Variants in ZDHHC7 observed in about 807,000 individuals in gnomAD.
The protein encoded by ZDHHC7 is palmitoyltransferase ZDHHC7.
In ZDHHC7, 12 loss-of-function variants were observed where a neutral mutation model predicts 34.1. The ratio of observed to expected loss-of-function variants is 0.35; its 90% CI spans 0.23 to 0.57. The LOEUF (loss-of-function observed/expected upper bound fraction) is 0.57, where lower values mean the gene tolerates loss of function less well. ZDHHC7 is among the 20% of genes least tolerant of loss of function. The probability of loss-of-function intolerance (pLI) is 0.84; values close to 1 mark genes in which losing one functional copy is unlikely to be tolerated. For synonymous variants in ZDHHC7, 185 were observed against 155.4 expected, an observed-to-expected ratio of 1.19 and a Z score of -1.42; for missense variants, 388 against 402.7, an observed-to-expected ratio of 0.96 and a Z score of 0.31.
intron 7 of ZDHHC7, 61 bp downstream of exon 7, chr16:84,977,034 C>T: frequency 4.4e-6 from 7 of 1,600,036 alleles, no homozygotes; most frequent in Non-Finnish European, 5.1e-6. Context: ...GACATTAGGA[C>T]TTTTCATTTA....
At chr16:84,979,505 C>T (rs899442685) in intron 4 of ZDHHC7, among the ~76,000 whole-genome samples, 1 of 152,064 alleles carries the variant, frequency 6.6e-6, no homozygotes, top group Non-Finnish European at 1.5e-5. Context: ...CAGCTTGGGG[C>T]GAAAGGTCAA....
intron 3 of ZDHHC7, among the ~76,000 whole-genome samples, chr16:84,982,422 T>C (rs2072382898): frequency 2.0e-5 from 3 of 152,128 alleles, no homozygotes; most frequent in African/African-American, 4.8e-5. Flanking sequence ...TTTTGATAAA[T>C]GGCTTAACCA....
At chr16:85,013,105 C>T (rs553685242), upstream of ZDHHC7, among the ~76,000 whole-genome samples, 2 of 152,056 alleles carry the variant, frequency 1.3e-5, no homozygotes, top group East Asian at 3.9e-4. Flanking sequence ...AGAGAGGGCA[C>T]CAAAGGAATC....
chr16:84,989,078 G>C (rs961237296), intron 3 of ZDHHC7, among the ~76,000 whole-genome samples: 4 of 152,202 alleles, frequency 2.6e-5, no homozygotes, highest in Non-Finnish European at 5.9e-5. Flanking sequence ...GAAATGACAA[G>C]ACAGGCTTTA....
chr16:85,010,439 C>G lies in ZDHHC7; in HGVS notation c.-104+847G>C, dbSNP rs539125609. 7.2e-5 allele frequency among the ~76,000 whole-genome samples: 11 copies of G among 152,270 alleles called. No homozygotes were observed. The East Asian group carries it at 2.1e-3, about 29-fold the overall frequency. On this transcript the variant is annotated intron_variant, in intron 1 of 7. Coordinates refer to ENST00000313732, the MANE Select transcript of ZDHHC7 (RefSeq NM_017740.3). ...AAGAGTTCAGAAAGAAATATTAATA[C>G]ACATTGACCTAAATCTCTAAACCCC... is the stretch of plus-strand genomic sequence containing the variant.
intron 2 of ZDHHC7, among the ~76,000 whole-genome samples, chr16:84,994,164 G>C (rs1036825233): frequency 6.6e-6 from 1 of 152,224 alleles, no homozygotes; most frequent in African/African-American, 2.4e-5. Flanking sequence ...CTCCAGGGGG[G>C]TCTGGGTCTC....
intron 3 of ZDHHC7, among the ~76,000 whole-genome samples, chr16:84,985,366 T>G (rs1365247658): frequency 6.6e-6 from 1 of 152,234 alleles, no homozygotes; most frequent in Non-Finnish European, 1.5e-5. Context: ...CCCAGCTCCC[T>G]GTCATGCATT....
At chr16:85,009,701 C>CTTTTTTTTTTT (rs200213740) in intron 1 of ZDHHC7, among the ~76,000 whole-genome samples, 1 of 132,296 alleles carries the variant, frequency 7.6e-6, no homozygotes, top group Non-Finnish European at 1.6e-5. Flanking sequence ...CAAGTTCTGA[C>CTTTTTTTTTTT]TTTTTTTCTT....
rs2072278501 is a variant in ZDHHC7, at chr16:84,975,158, T to C, written c.*1185A>G. 6.5e-6 allele frequency: 1 copy of C among 152,682 alleles called. No individual in the cohort carries two copies. Among genetic ancestry groups the C allele is most frequent in the South Asian group, 2.1e-4 (1 of 4,838 alleles). 9.5% of individuals were successfully genotyped at this position (152,682 alleles called of 1,614,324 possible). A position where few individuals can be genotyped will look rare whatever the true frequency, so the allele number is the denominator to read the frequency against. On this transcript the variant is annotated 3_prime_UTR_variant, in exon 8 of 8. Coordinates refer to ENST00000313732, the MANE Select transcript of ZDHHC7 (RefSeq NM_017740.3). ...GGATCCTATTTTATCACCTGTGCCG[T>C]GGGTGGAGAAGAAAACGTAAAAGCT...
chr16:85,003,646 G>A (rs775568394), intron 1 of ZDHHC7, among the ~76,000 whole-genome samples: 2 of 152,130 alleles, frequency 1.3e-5, no homozygotes, highest in African/African-American at 4.8e-5. Flanking sequence ...ACTCAAGCCA[G>A]ATCTCAATGA....
At chr16:84,994,771 A>T (rs1219666060) in intron 2 of ZDHHC7, among the ~76,000 whole-genome samples, 2 of 152,236 alleles carry the variant, frequency 1.3e-5, no homozygotes, top group African/African-American at 4.8e-5. Flanking sequence ...CTTTAGTGCC[A>T]TATCTGTAAG....
At position 84,981,829 on chromosome 16, in the gene ZDHHC7, A is replaced by G. The variant is rs764784019; in HGVS notation, c.440+41T>C. Reference sequence around the variant, plus strand: ...TTAATACAGCAGCACACGTACCCGCAGTGGCGGATGCGCTCGGGTTTAATA... The same window carrying G: ...TTAATACAGCAGCACACGTACCCGCGGTGGCGGATGCGCTCGGGTTTAATA... On this transcript the variant is annotated intron_variant, in intron 4 of 7. Coordinates refer to ENST00000313732, the MANE Select transcript of ZDHHC7 (RefSeq NM_017740.3). 6.2e-6 allele frequency: 10 copies of G among 1,612,418 alleles called. No individual in the cohort carries two copies. The South Asian group carries it at 8.8e-5, about 14-fold the overall frequency.
intron 5 of ZDHHC7, 182 bp from the exon 6 acceptor site, chr16:84,978,187 T>C: frequency 2.1e-6 from 1 of 485,478 alleles, no homozygotes; most frequent in Non-Finnish European, 3.7e-6. Flanking sequence ...ACAAGCACCA[T>C]GCCCGGCTAA....
At chr16:85,009,589 TG>T (rs1459238914) in intron 1 of ZDHHC7, among the ~76,000 whole-genome samples, 1 of 152,232 alleles carries the variant, frequency 6.6e-6, no homozygotes, top group East Asian at 1.9e-4. Flanking sequence ...GAAGCCAATG[TG>T]GGCCCCTAAC....
At chr16:84,995,089 A>G (rs529286853) in intron 2 of ZDHHC7, among the ~76,000 whole-genome samples, 1 of 152,294 alleles carries the variant, frequency 6.6e-6, no homozygotes, top group African/African-American at 2.4e-5. Flanking sequence ...TCTGCACTGA[A>G]TTCCAAAACC....
At chr16:84,988,715 G>A (rs1023935165) in intron 3 of ZDHHC7, 27 of 1,509,680 alleles carry the variant, frequency 1.8e-5, no homozygotes, top group African/African-American at 4.2e-5. Flanking sequence ...AACTGCTGAG[G>A]ACTCCCAGCC....
rs368969621 is a variant in ZDHHC7 at position 84,978,030 on chromosome 16, G to C, written c.538-25C>G. On this transcript the variant is annotated intron_variant, in intron 5 of 7. Transcript: ENST00000313732. ...TCTAGAATGAGGGGGAGATTGGTTA[G>C]TCACTTTTATTTTTTATTTTTTTTA... is the stretch of plus-strand genomic sequence containing the variant. 2.0e-5 allele frequency: 31 copies of C among 1,566,426 alleles called. No individual in the cohort carries two copies. In the African/African-American group the frequency reaches 4.1e-4, roughly 21 times the overall value.
chr16:85,019,083 G>A, the ZDHHC7 span, among the ~76,000 whole-genome samples: 14 of 152,178 alleles, frequency 9.2e-5, no homozygotes, highest in African/African-American at 3.4e-4. Flanking sequence ...TGCCAAGCGT[G>A]ACCAAGGTCG....
At chr16:84,994,664 C>G (rs1199062324) in intron 2 of ZDHHC7, among the ~76,000 whole-genome samples, 2 of 152,128 alleles carry the variant, frequency 1.3e-5, no homozygotes, top group African/African-American at 4.8e-5. Flanking sequence ...GGATGGCAGG[C>G]ACAGCTGTGT....
Sources: gnomAD v4.1 joint callset for allele counts (sites outside exome capture counted in the v4.1 genomes callset) on GRCh38, gnomAD v4.1.1 for gene constraint, MANE v1.5 for transcripts, NCBI Gene and HGNC (gene_info 2026-07-23, HGNC 2026-07-21) for gene names.